ADD2: variants seen among roughly 807,000 people sequenced by gnomAD.
ADD2 encodes the protein adducin 2.
In ADD2, 23 loss-of-function variants were observed where a neutral mutation model predicts 83.0. The observed-to-expected ratio is 0.28, with a 90% CI of 0.20 to 0.39. The LOEUF is 0.39. Among genes scored for constraint, ADD2 ranks in the 10% least tolerant of loss-of-function variants. The probability of loss-of-function intolerance (pLI) is 1.00; values close to 1 mark genes in which losing one functional copy is unlikely to be tolerated. For missense variants in ADD2, 758 were observed against 944.9 expected (o/e 0.80, Z 2.59); for synonymous variants, 375 against 375.4 (o/e 1.00, Z 0.01).
At chr2:70,697,164 A>G (rs6546618) in intron 4 of ADD2, among the ~76,000 whole-genome samples, 53,657 of 152,088 alleles carry the variant, frequency 0.35, 11,607 homozygotes, top group Non-Finnish European at 0.49. Flanking sequence ...CTCCCAAAAA[A>G]AGAAAGCCAG....
intron 7 of ADD2, 121 bp downstream of exon 7, chr2:70,692,282 G>T: frequency 8.4e-7 from 1 of 1,190,880 alleles, no homozygotes. Flanking sequence ...CACGTTGGGA[G>T]TTCTCTCGCT....
At chr2:70,669,980 G>A (rs2104184576) in intron 15 of ADD2, among the ~76,000 whole-genome samples, 1 of 152,286 alleles carries the variant, frequency 6.6e-6, no homozygotes, top group Admixed American at 6.5e-5. Flanking sequence ...CATCTTGGAA[G>A]TTCCAGCTTA....
chr2:70,751,482 G>C (rs533471203), intron 1 of ADD2, among the ~76,000 whole-genome samples: 2 of 152,294 alleles, frequency 1.3e-5, no homozygotes, highest in African/African-American at 2.4e-5. Context: ...GATTCTTTTG[G>C]AGGGTTGTGA....
At chr2:70,678,466 C>T (rs1246267581) in intron 11 of ADD2, among the ~76,000 whole-genome samples, 1 of 152,202 alleles carries the variant, frequency 6.6e-6, no homozygotes, top group Non-Finnish European at 1.5e-5. Flanking sequence ...CCTGGTCCAA[C>T]TGCCCTCTGG....
intron 1 of ADD2, among the ~76,000 whole-genome samples, chr2:70,764,503 C>G (rs934256033): frequency 6.6e-6 from 1 of 151,958 alleles, no homozygotes; most frequent in Non-Finnish European, 1.5e-5. Flanking sequence ...GTGGCTGGAG[C>G]CACCAGGCCT....
At chr2:70,766,845 G>A (rs1675408294) in intron 1 of ADD2, among the ~76,000 whole-genome samples, 1 of 152,248 alleles carries the variant, frequency 6.6e-6, no homozygotes, top group Non-Finnish European at 1.5e-5. Context: ...AACAGCAAGA[G>A]GGAAGAGTGG....
chr2:70,714,725 G>T (rs543209355), intron 1 of ADD2, among the ~76,000 whole-genome samples: 39 of 152,320 alleles, frequency 2.6e-4, no homozygotes, highest in African/African-American at 5.3e-4. Context: ...TCAGGGTGGG[G>T]TTTGCTGATG....
chr2:70,675,363 T>C (rs532220382), intron 13 of ADD2: 1 of 985,998 alleles, frequency 1.0e-6, no homozygotes, highest in Non-Finnish European at 1.2e-6. Context: ...CACACAGTTG[T>C]AAGTGACAAA....
chr2:70,712,148 AC>A (rs1672212143), intron 2 of ADD2, among the ~76,000 whole-genome samples: 2 of 152,168 alleles, frequency 1.3e-5, no homozygotes, highest in South Asian at 4.1e-4. Context: ...TTTTACTTGA[AC>A]AAAATAAAGA....
At chr2:70,734,317 C>T (rs372689559) in intron 1 of ADD2, among the ~76,000 whole-genome samples, 162 of 152,258 alleles carry the variant, frequency 1.1e-3, no homozygotes, top group African/African-American at 3.8e-3. Context: ...TCAGTGCTGG[C>T]CCAGCACTTT....
chr2:70,673,405 A>T (rs1669991275), intron 14 of ADD2: 1 of 1,201,218 alleles, frequency 8.3e-7, no homozygotes, highest in South Asian at 1.3e-5. Context: ...ACAACCACCA[A>T]CTCCCCTTAT....
chr2:70,699,847 C>A (rs80156929), intron 4 of ADD2, among the ~76,000 whole-genome samples: 5,075 of 152,142 alleles, frequency 0.033, 288 homozygotes, highest in African/African-American at 0.12. Flanking sequence ...AAAGGAAGAT[C>A]AAAAATACAC....
chr2:70,697,809 C>A (rs1671386524), intron 4 of ADD2, among the ~76,000 whole-genome samples: 1 of 152,174 alleles, frequency 6.6e-6, no homozygotes, highest in South Asian at 2.1e-4. Flanking sequence ...AAAGCGAGGG[C>A]AGACTGGGTG....
intron 15 of ADD2, among the ~76,000 whole-genome samples, chr2:70,672,558 T>C (rs1669937730): frequency 6.6e-6 from 1 of 152,174 alleles, no homozygotes; most frequent in Non-Finnish European, 1.5e-5. Context: ...GTGGTACCTA[T>C]ACACGTTAAG....
intron 14 of ADD2, 44 bp downstream of exon 14, chr2:70,674,634 C>T (rs782598490): frequency 4.4e-6 from 7 of 1,593,008 alleles, no homozygotes; most frequent in East Asian, 2.2e-5. Flanking sequence ...CTCCCCTCCA[C>T]CCTGGGGGAC....
intron 1 of ADD2, among the ~76,000 whole-genome samples, chr2:70,754,570 T>TC (rs148784286): frequency 0.14 from 21,103 of 151,964 alleles, 1,616 homozygotes; most frequent in East Asian, 0.3. Flanking sequence ...CCTCTCATTC[T>TC]CCGAGGACTC....
rs939483968 is a variant in ADD2 at position 70,656,949 on chromosome 2, A to C, written c.*6476T>G. The C allele has an allele frequency of 1.3e-5, 2 of 152,074 alleles. No individual in the cohort carries two copies. The highest frequency in any genetic ancestry group is 1.3e-4 in the Admixed American group (2 of 15,274). 9.4% of individuals were successfully genotyped at this position (152,074 alleles called of 1,614,324 possible). On this transcript the variant is annotated 3_prime_UTR_variant, in exon 16 of 16. Coordinates refer to ENST00000264436, the MANE Select transcript of ADD2 (RefSeq NM_001617.4). Reference sequence around the variant, plus strand: ...CTTTGGAAAGTTCTCGTGAAAATCAAAGGGCAGCTTTGGTGCTCAGAGATT... The same window carrying C: ...CTTTGGAAAGTTCTCGTGAAAATCACAGGGCAGCTTTGGTGCTCAGAGATT...
At chr2:70,750,699 G>A (rs1211787845) in intron 1 of ADD2, among the ~76,000 whole-genome samples, 1 of 152,144 alleles carries the variant, frequency 6.6e-6, no homozygotes, top group Non-Finnish European at 1.5e-5. Flanking sequence ...CAGACCTCTA[G>A]CCTTCAGAAT....
chr2:70,712,435 C>A (rs1313235630), intron 2 of ADD2, among the ~76,000 whole-genome samples: 24 of 146,696 alleles, frequency 1.6e-4, no homozygotes, highest in African/African-American at 5.1e-4. Context: ...AAGAGGGAGA[C>A]CCTGTCTCAA....
Sources: gnomAD v4.1 joint callset for allele counts (sites outside exome capture counted in the v4.1 genomes callset) on GRCh38, gnomAD v4.1.1 for gene constraint, MANE v1.5 for transcripts, NCBI Gene and HGNC (gene_info 2026-07-23, HGNC 2026-07-21) for gene names.